The following MGAT4B variants were observed in gnomAD, a reference collection of about 807,000 sequenced individuals.
MGAT4B encodes the protein alpha-1,3-mannosyl-glycoprotein 4-beta-N-acetylglucosaminyltransferase B.
Under a neutral mutation model 73.9 loss-of-function variants are expected in MGAT4B, and 38 were observed. That is an observed-to-expected ratio of 0.51 (90% CI 0.40 to 0.67). MGAT4B has a LOEUF of 0.67. Among genes scored for constraint, MGAT4B ranks in the 30% least tolerant of loss-of-function variants. MGAT4B has a pLI of 0.00. For missense variants in MGAT4B, 686 were observed against 735.2 expected (o/e 0.93, Z 0.77); for synonymous variants, 373 against 313.5 (o/e 1.19, Z -2.01).
In MGAT4B at chr5:179,800,039, G is replaced by C; in HGVS notation, c.825C>G (p.Asn275Lys). The stretch of plus-strand genomic sequence containing the variant: ...CAAAGTTCTTCATGGTGCTCAGGTA[G>C]TTGGGCTTGGCCACGATGTCATCCT... ...QLEDDIVAKP[N>K]YLSTMKNFAL... Residue 275 changes from asparagine (N) to lysine (K), a missense_variant, in exon 8 of 15, where the codon AAC (asparagine) becomes AAG (lysine). Asn to Lys is a moderately conservative substitution (Grantham distance 94). Transcript: ENST00000292591. 6.2e-7 allele frequency: 1 copy of C among 1,614,078 alleles called. No individual in the cohort carries two copies. Among genetic ancestry groups the C allele is most frequent in the Non-Finnish European group, 8.5e-7 (1 of 1,180,022 alleles).
chr5:179,800,028 G>A lies in MGAT4B; in HGVS notation c.836C>T (p.Thr279Ile), dbSNP rs1401783770. The stretch of plus-strand genomic sequence containing the variant: ...CTGCTGCAGTGCAAAGTTCTTCATG[G>A]TGCTCAGGTAGTTGGGCTTGGCCAC... ...DIVAKPNYLSTMKNFALQQPS... is the reference protein window; with the variant it reads ...DIVAKPNYLSIMKNFALQQPS... The change falls in exon 8 of 15, where the codon ACC (threonine) becomes ATC (isoleucine). Residue 279 changes from threonine (T) to isoleucine (I), a missense_variant. Transcript: ENST00000292591. The A allele has an allele frequency of 6.2e-7, 1 of 1,613,950 alleles. No homozygotes were observed. Among genetic ancestry groups the A allele is most frequent in the Non-Finnish European group, 8.5e-7 (1 of 1,180,032 alleles).
At position 179,800,467 on chromosome 5, in the gene MGAT4B, G is replaced by A. The variant is rs1032627886; in HGVS notation, c.719+17C>T. The A allele has an allele frequency of 3.2e-6, 5 of 1,550,990 alleles. No individual in the cohort carries two copies. The highest frequency in any genetic ancestry group is 1.1e-5 in the South Asian group (1 of 88,406). On this transcript the variant is annotated intron_variant, in intron 6 of 14. Transcript: ENST00000292591. ...CAGGCAGGCGGGTTGCTGAGGGTAT[G>A]GGGGAGTAACTAGTACCTGACTCTC...
chr5:179,798,178 AC>A lies in MGAT4B; in HGVS notation c.1609del (p.Val537Ter). 1 of 1,595,266 alleles carries A rather than the reference AC, an allele frequency of 6.3e-7. No individual in the cohort carries two copies. The highest frequency in any genetic ancestry group is 8.5e-7 in the Non-Finnish European group (1 of 1,170,308). On this transcript the variant is annotated frameshift_variant, in exon 14 of 15. Coordinates refer to ENST00000292591, the MANE Select transcript of MGAT4B (RefSeq NM_014275.5). LOFTEE classifies it high-confidence loss of function. ...GCCCAGCCTCACCTCGCTCAGAATCACCCACACAGGGGAGTCCGTCTGGATC... is the reference window on the plus strand; with the variant it reads ...GCCCAGCCTCACCTCGCTCAGAATCACCACACAGGGGAGTCCGTCTGGATC... ...LSIQTDSPVWVILSEIFLKKA... is the reference protein window; with the variant it reads ...LSIQTDSPVWXILSEIFLKKA...
Position 179,806,505 on chromosome 5 carries a change from C to T in MGAT4B, c.79G>A (p.Ala27Thr). ...CAFLSLSWYA[A>T]LSGQKGDVVD... ...CGCTCACCTTTCTGGCCGCTGAGTG[C>T]CGCGTACCAGGACAGCGAGAGGAAG... The change falls in exon 1 of 15, where the codon GCA becomes ACA. Residue 27 changes from alanine to threonine, a missense_variant. Physicochemically the swap from Ala to Thr is moderately conservative, Grantham distance 58. This residue lies in a region of MGAT4B where 237 missense variants were observed against 198.5 expected (regional missense o/e 1.19). Transcript: ENST00000292591. This position sits in a 1 kb window ranked among gnomAD's most constrained non-coding sequence, Gnocchi z 4.6. The T allele has an allele frequency of 1.5e-6, 2 of 1,323,434 alleles. No homozygotes were observed. Among genetic ancestry groups the T allele is most frequent in the South Asian group, 1.5e-5 (1 of 68,092 alleles). 82.0% of individuals were successfully genotyped at this position (1,323,434 alleles called of 1,614,324 possible). A position where few individuals can be genotyped will look rare whatever the true frequency, so the allele number is the denominator to read the frequency against.
At chr5:179,800,637 G>GA in intron 5 of MGAT4B, 40 bp from the exon 6 acceptor site, 1 of 1,392,526 alleles carries the variant, frequency 7.2e-7, no homozygotes, top group Non-Finnish European at 1.0e-6. Flanking sequence ...CAGCCTCCAG[G>GA]GGCTGAGAGG....
In MGAT4B at chr5:179,799,092, C is replaced by T; in HGVS notation, c.1179G>A (p.Arg393=). 1 of 1,613,970 alleles carries T rather than the reference C, an allele frequency of 6.2e-7. No individual in the cohort carries two copies. Among genetic ancestry groups the T allele is most frequent in the Non-Finnish European group, 8.5e-7 (1 of 1,180,030 alleles). ...KDKDFGKQAL[R]KEHVNPPAEV... Reference sequence around the variant, plus strand: ...CTGCTGGCGGGTTCACATGCTCCTTCCGCAGCGCCTGCTTTCCAAAGTCTT... The same window carrying T: ...CTGCTGGCGGGTTCACATGCTCCTTTCGCAGCGCCTGCTTTCCAAAGTCTT... The change falls in exon 11 of 15, where the codon CGG becomes CGA. Residue 393 remains arginine, a synonymous_variant. Coordinates refer to ENST00000292591, the MANE Select transcript of MGAT4B (RefSeq NM_014275.5).
chr5:179,804,053 CGTT>C (rs947713051), intron 1 of MGAT4B, among the ~76,000 whole-genome samples: 3 of 152,224 alleles, frequency 2.0e-5, no homozygotes, highest in African/African-American at 7.2e-5. Context: ...CTCAGGACCA[CGTT>C]GTTAAGAGCA....
In MGAT4B at chr5:179,801,012, G is replaced by A; in HGVS notation, c.559-59C>T. 1 of 1,590,776 alleles carries A rather than the reference G, an allele frequency of 6.3e-7. No homozygotes were observed. Among genetic ancestry groups the A allele is most frequent in the Non-Finnish European group, 8.6e-7 (1 of 1,159,856 alleles). On this transcript the variant is annotated intron_variant, in intron 4 of 14. Coordinates refer to ENST00000292591, the MANE Select transcript of MGAT4B (RefSeq NM_014275.5). This position sits in a 1 kb window ranked among gnomAD's most constrained non-coding sequence, Gnocchi z 4.8. ...GCTGCTGCCCCAAAAGGCCTGGAAGGGCTTGGAGAAGGGGCACAGGCTTCA... is the reference window on the plus strand; with the variant it reads ...GCTGCTGCCCCAAAAGGCCTGGAAGAGCTTGGAGAAGGGGCACAGGCTTCA...
rs369368498 is a variant in MGAT4B, at chr5:179,801,831, T to C, written c.236A>G (p.Gln79Arg). Residue 79 changes from glutamine (Q) to arginine (R), a missense_variant, in exon 2 of 15, where the codon CAG (glutamine) becomes CGG (arginine). Transcript: ENST00000292591. This position sits in a 1 kb window ranked among gnomAD's most constrained non-coding sequence, Gnocchi z 4.8. Reference sequence around the variant, plus strand: ...ATTGCCGTCTCCGTCTCGCAGCGCCTGCCTTTCTGACACGGCCCTCTTGAT... The same window carrying C: ...ATTGCCGTCTCCGTCTCGCAGCGCCCGCCTTTCTGACACGGCCCTCTTGAT... ...DEIKRAVSERQALRDGDGNRT... is the reference protein window; with the variant it reads ...DEIKRAVSERRALRDGDGNRT... 7.9e-5 allele frequency: 126 copies of C among 1,602,788 alleles called. No homozygotes were observed. The highest frequency in any genetic ancestry group is 9.5e-5 in the Non-Finnish European group (111 of 1,172,624).
chr5:179,798,855 T>C, intron 11 of MGAT4B, 73 bp downstream of exon 11: 1 of 1,540,930 alleles, frequency 6.5e-7, no homozygotes, highest in Non-Finnish European at 8.9e-7. Context: ...TGAGGATAAC[T>C]TGCCGGTGAA....
intron 1 of MGAT4B, chr5:179,805,228 C>T (rs1312531302): frequency 6.6e-6 from 1 of 152,282 alleles, no homozygotes; most frequent in East Asian, 1.9e-4. Flanking sequence ...GGGCTCACGG[C>T]TCTACCCACG....
At position 179,800,958 on chromosome 5, in the gene MGAT4B, G is replaced by A. The variant is rs1053900506; in HGVS notation, c.559-5C>T. The A allele has an allele frequency of 1.2e-6, 2 of 1,613,816 alleles. No homozygotes were observed. The highest frequency in any genetic ancestry group is 1.1e-5 in the South Asian group (1 of 91,076). ...CGAAGTGTACTGTGAGTCAGTCTGT[G>A]GGGAGACCAAGCACCCTCCCTTAGC... On this transcript the variant is annotated splice_region_variant and splice_polypyrimidine_tract_variant and intron_variant, in intron 4 of 14. Transcript: ENST00000292591.
rs1345650655 is a variant in MGAT4B at position 179,801,242 on chromosome 5, A to G, written c.558+92T>C. The stretch of plus-strand genomic sequence containing the variant: ...AATGAAACTAGCAACTGAACTTCCG[A>G]CAGCTTTCTCCTCGGAATGGTTCCT... On this transcript the variant is annotated intron_variant, in intron 4 of 14. Coordinates refer to ENST00000292591, the MANE Select transcript of MGAT4B (RefSeq NM_014275.5). The surrounding 1 kb of genome is among the most constrained non-coding windows in gnomAD (Gnocchi z 4.8). The G allele has an allele frequency of 6.8e-7, 1 of 1,465,820 alleles. No individual in the cohort carries two copies. The highest frequency in any genetic ancestry group is 2.4e-5 in the East Asian group (1 of 41,482). The allele number at this position is 1,465,820 out of a possible 1,614,324, so 90.8% of individuals were successfully genotyped here.
rs759032975 is a variant in MGAT4B at position 179,800,105 on chromosome 5, G to T, written c.796-37C>A. On this transcript the variant is annotated intron_variant, in intron 7 of 14. Transcript: ENST00000292591. ...GCAGAGAGGGGCTGGGGCTGAGGAA[G>T]GGCACCCAGATGGACCAGACCCATC... 2.5e-6 allele frequency: 4 copies of T among 1,610,948 alleles called. No homozygotes were observed. The South Asian group carries it at 4.4e-5, about 18-fold the overall frequency.
chr5:179,805,263 TC>T (rs1351606416), intron 1 of MGAT4B: 1 of 152,278 alleles, frequency 6.6e-6, no homozygotes, highest in Non-Finnish European at 1.5e-5. Flanking sequence ...CCCCAGCCCT[TC>T]AGATATGGCC....
Position 179,801,515 on chromosome 5 carries a change from G to T in MGAT4B, c.424+39C>A, listed in dbSNP as rs370214895. On this transcript the variant is annotated intron_variant, in intron 3 of 14. Coordinates refer to ENST00000292591, the MANE Select transcript of MGAT4B (RefSeq NM_014275.5). The surrounding 1 kb of genome is among the most constrained non-coding windows in gnomAD (Gnocchi z 4.8). ...GCTGGAAAGGGTGCGGGGGCCACCC[G>T]TCCCCCCACCCCGTGCTCCTCCCTG... is the stretch of plus-strand genomic sequence containing the variant. The T allele has an allele frequency of 1.9e-6, 3 of 1,601,938 alleles. No individual in the cohort carries two copies. Among genetic ancestry groups the T allele is most frequent in the Admixed American group, 3.4e-5 (2 of 59,648 alleles).
At position 179,801,236 on chromosome 5, in the gene MGAT4B, C is replaced by T. The variant is rs1756910584; in HGVS notation, c.558+98G>A. On this transcript the variant is annotated intron_variant, in intron 4 of 14. Coordinates refer to ENST00000292591, the MANE Select transcript of MGAT4B (RefSeq NM_014275.5). The surrounding 1 kb of genome is among the most constrained non-coding windows in gnomAD (Gnocchi z 4.8). Reference sequence around the variant, plus strand: ...TTTGCGAATGAAACTAGCAACTGAACTTCCGACAGCTTTCTCCTCGGAATG... The same window carrying T: ...TTTGCGAATGAAACTAGCAACTGAATTTCCGACAGCTTTCTCCTCGGAATG... 6.9e-7 allele frequency: 1 copy of T among 1,448,882 alleles called. No homozygotes were observed. The highest frequency in any genetic ancestry group is 9.1e-7 in the Non-Finnish European group (1 of 1,093,900). The allele number at this position is 1,448,882 out of a possible 1,614,324, so 89.8% of individuals were successfully genotyped here.
rs1482584710 is a variant in MGAT4B, at chr5:179,806,267, C to G, written c.97+220G>C. The G allele has an allele frequency of 5.8e-6, 1 of 171,462 alleles. No homozygotes were observed. The highest frequency in any genetic ancestry group is 2.5e-5 in the African/African-American group (1 of 40,808). 10.6% of individuals were successfully genotyped at this position (171,462 alleles called of 1,614,324 possible). On this transcript the variant is annotated intron_variant, in intron 1 of 14. Transcript: ENST00000292591. This position sits in a 1 kb window ranked among gnomAD's most constrained non-coding sequence, Gnocchi z 4.6. ...TCGGGACAGCTGCGCCCGCGGAGTCCGGTCCGGAGCACCCACGGGCGCGGC... is the reference window on the plus strand; with the variant it reads ...TCGGGACAGCTGCGCCCGCGGAGTCGGGTCCGGAGCACCCACGGGCGCGGC...
chr5:179,800,322 G>C, intron 6 of MGAT4B, 63 bp from the exon 7 acceptor site: 1 of 1,586,408 alleles, frequency 6.3e-7, no homozygotes, highest in Non-Finnish European at 8.6e-7. Context: ...GCTCCGCAGA[G>C]AAGCCGCTGG....
Sources: gnomAD v4.1 joint callset for allele counts (sites outside exome capture counted in the v4.1 genomes callset) on GRCh38, gnomAD v4.1.1 for gene constraint, gnomAD v4.1.1 regional missense constraint, Gnocchi (gnomAD v3.1) non-coding constraint, MANE v1.5 for transcripts, NCBI Gene and HGNC (gene_info 2026-07-23, HGNC 2026-07-21) for gene names.